GRB10: variants seen among roughly 807,000 people sequenced by gnomAD.
GRB10 encodes the protein growth factor receptor-bound protein 10.
GRB10 carries 20 observed loss-of-function variants against 80.9 expected under a neutral mutation model. The ratio of observed to expected loss-of-function variants is 0.25; its 90% CI spans 0.17 to 0.36. GRB10 has a LOEUF of 0.36. Among genes scored for constraint, GRB10 ranks in the 10% least tolerant of loss-of-function variants. The probability of loss-of-function intolerance (pLI) is 1.00; values close to 1 mark genes in which losing one functional copy is unlikely to be tolerated. For synonymous variants in GRB10, 291 were observed against 291.5 expected, an observed-to-expected ratio of 1.00 and a Z score of 0.02; for missense variants, 548 against 747.7, an observed-to-expected ratio of 0.73 and a Z score of 3.12.
rs562943097 is a variant in GRB10, at chr7:50,674,305, C to G, written c.362+131G>C. 110 of 895,536 alleles carry G rather than the reference C, an allele frequency of 1.2e-4. No homozygotes were observed. The African/African-American group carries it at 1.3e-3, about 11-fold the overall frequency. The allele number at this position is 895,536 out of a possible 1,614,324, so 55.5% of individuals were successfully genotyped here. ...CAGTGTATCCGTTATCCCATCAAAG[C>G]AATGTATCTGCCTCTTGACTTTGCA... On this transcript the variant is annotated intron_variant, in intron 6 of 18. Coordinates refer to ENST00000401949, the MANE Select transcript of GRB10 (RefSeq NM_001350814.2).
chr7:50,721,760 G>A (rs2067788074), intron 4 of GRB10, among the ~76,000 whole-genome samples: 1 of 152,148 alleles, frequency 6.6e-6, no homozygotes, highest in South Asian at 2.1e-4. Context: ...AGAATCTGGG[G>A]TGGCTGAGGA....
chr7:50,623,301 G>C (rs2052225408), intron 8 of GRB10, among the ~76,000 whole-genome samples: 1 of 152,228 alleles, frequency 6.6e-6, no homozygotes, highest in African/African-American at 2.4e-5. Flanking sequence ...AGGGACAAGT[G>C]AACTGGGAAT....
rs139087056 is a variant in GRB10, at chr7:50,692,018, G to C, written c.139+11803C>G. ...CCCATATCCACAGATTTAACCAATT[G>C]AAGATTGAAAATATTAAGAAAAACA... On this transcript the variant is annotated intron_variant, in intron 5 of 18. Coordinates refer to ENST00000401949, the MANE Select transcript of GRB10 (RefSeq NM_001350814.2). Among the ~76,000 whole-genome samples, 520 of 152,258 alleles carry C rather than the reference G, an allele frequency of 3.4e-3. 3 individuals are homozygous for C. The highest frequency in any genetic ancestry group is 0.012 in the African/African-American group (483 of 41,544).
chr7:50,606,806 T>C, intron 13 of GRB10: 1 of 269,370 alleles, frequency 3.7e-6, no homozygotes, highest in South Asian at 4.3e-5. Flanking sequence ...GGGACTGTAC[T>C]GCATTCGATT....
chr7:50,653,008 A>G (rs1470085602), intron 7 of GRB10, among the ~76,000 whole-genome samples: 6 of 152,202 alleles, frequency 3.9e-5, no homozygotes, highest in Non-Finnish European at 7.3e-5. Context: ...CTGGAATACA[A>G]TGAAGAATTT....
At chr7:50,690,983 G>T (rs1284192830) in intron 5 of GRB10, among the ~76,000 whole-genome samples, 2 of 152,166 alleles carry the variant, frequency 1.3e-5, no homozygotes, top group Non-Finnish European at 2.9e-5. Context: ...GGAGGGAGAG[G>T]TCTGCTGCTT....
chr7:50,604,287 C>T (rs1162323207), intron 16 of GRB10, 24 bp downstream of exon 16: 8 of 1,592,216 alleles, frequency 5.0e-6, no homozygotes. Flanking sequence ...TGTACAAAAA[C>T]ATCAGGCAAT....
intron 3 of GRB10, among the ~76,000 whole-genome samples, chr7:50,741,984 G>A (rs2071844138): frequency 6.7e-6 from 1 of 149,864 alleles, no homozygotes; most frequent in Admixed American, 6.6e-5. Flanking sequence ...AATAAATTTT[G>A]AACATTACTG....
At chr7:50,607,524 T>C (rs926303398) in intron 13 of GRB10, among the ~76,000 whole-genome samples, 3 of 152,182 alleles carry the variant, frequency 2.0e-5, no homozygotes, top group Non-Finnish European at 2.9e-5. Flanking sequence ...AGTAATCTTA[T>C]TGAGTGCCAC....
chr7:50,636,177 C>T (rs2054990298), intron 7 of GRB10, among the ~76,000 whole-genome samples: 1 of 151,934 alleles, frequency 6.6e-6, no homozygotes, highest in South Asian at 2.1e-4. Context: ...CAGGGTTTTG[C>T]CATGTTGGCC....
At chr7:50,599,454 C>T (rs373806313) in intron 17 of GRB10, among the ~76,000 whole-genome samples, 2 of 152,178 alleles carry the variant, frequency 1.3e-5, no homozygotes, top group Admixed American at 6.5e-5. Context: ...TATACAAATA[C>T]ACCTCCTCCC....
At chr7:50,763,995 C>T (rs774814587) in intron 2 of GRB10, among the ~76,000 whole-genome samples, 1 of 152,402 alleles carries the variant, frequency 6.6e-6, no homozygotes, top group Admixed American at 6.5e-5. Context: ...CTCCAGGCTG[C>T]CCAGACACTG....
chr7:50,660,822 C>G (rs1036860826), intron 7 of GRB10, among the ~76,000 whole-genome samples: 13 of 124,488 alleles, frequency 1.0e-4, no homozygotes, highest in African/African-American at 3.3e-4. Context: ...TGTGATGGCG[C>G]AGCATCTTAT....
Position 50,644,265 on chromosome 7 carries a change from C to T in GRB10, c.505-17287G>A, listed in dbSNP as rs547408922. ...TTGAGTCCAGGCCCTGGAACTGGGTCCCTATAGGTGTGTGTTCACCTGCCC... is the reference window on the plus strand; with the variant it reads ...TTGAGTCCAGGCCCTGGAACTGGGTTCCTATAGGTGTGTGTTCACCTGCCC... On this transcript the variant is annotated intron_variant, in intron 7 of 18. Coordinates refer to ENST00000401949, the MANE Select transcript of GRB10 (RefSeq NM_001350814.2). Among the ~76,000 whole-genome samples the T allele has an allele frequency of 2.1e-3, 325 of 152,294 alleles. 2 individuals are homozygous for T. The highest frequency in any genetic ancestry group is 3.7e-3 in the Non-Finnish European group (255 of 68,026).
At chr7:50,705,362 A>G in intron 4 of GRB10, 1 of 891,956 alleles carries the variant, frequency 1.1e-6, no homozygotes, top group Non-Finnish European at 1.3e-6. Flanking sequence ...GCCCTAAGGA[A>G]GGGAGACATT....
At chr7:50,733,124 C>T (rs957661047) in intron 3 of GRB10, among the ~76,000 whole-genome samples, 2 of 151,924 alleles carry the variant, frequency 1.3e-5, no homozygotes, top group Non-Finnish European at 2.9e-5. Flanking sequence ...GAGGGTGGGC[C>T]CTAATCCAAT....
intron 13 of GRB10, among the ~76,000 whole-genome samples, chr7:50,609,766 T>C (rs1309642714): frequency 6.6e-6 from 1 of 152,218 alleles, no homozygotes; most frequent in Non-Finnish European, 1.5e-5. Flanking sequence ...GTTTTAATAC[T>C]ATTCACACAG....
chr7:50,739,525 T>C (rs147093808), intron 3 of GRB10, among the ~76,000 whole-genome samples: 2 of 152,356 alleles, frequency 1.3e-5, no homozygotes, highest in East Asian at 1.9e-4. Flanking sequence ...CCGCATGGCA[T>C]GTGGCTCATC....
upstream of GRB10, among the ~76,000 whole-genome samples, chr7:50,784,750 T>G (rs1321570944): frequency 6.6e-6 from 1 of 152,046 alleles, no homozygotes; most frequent in African/African-American, 2.4e-5. Context: ...GGTCAAGAAG[T>G]AACTGACAGC....
Sources: gnomAD v4.1 joint callset for allele counts (sites outside exome capture counted in the v4.1 genomes callset) on GRCh38, gnomAD v4.1.1 for gene constraint, MANE v1.5 for transcripts, NCBI Gene and HGNC (gene_info 2026-07-23, HGNC 2026-07-21) for gene names.